AGBL1: variants seen among roughly 807,000 people sequenced by gnomAD.
AGBL1 encodes AGBL carboxypeptidase 1, also known as cytosolic carboxypeptidase 4.
Under a neutral mutation model 118.9 loss-of-function variants are expected in AGBL1, and 130 were observed. The observed-to-expected ratio is 1.09, with a 90% CI of 0.95 to 1.26. The LOEUF is 1.26. Ranked by LOEUF, AGBL1 falls within the 50% of genes most tolerant of loss-of-function variation. AGBL1 has a pLI of 0.00. For synonymous variants in AGBL1, 555 were observed against 478.9 expected, an observed-to-expected ratio of 1.16 and a Z score of -2.08; for missense variants, 1,584 against 1,298.1, an observed-to-expected ratio of 1.22 and a Z score of -3.38.
chr15:86,305,077 C>G (rs1380950680), intron 17 of AGBL1: 1 of 152,110 alleles, frequency 6.6e-6, no homozygotes, highest in African/African-American at 2.4e-5. Flanking sequence ...CTTTCAGGAT[C>G]CTTGCACCTA....
At chr15:86,852,486 A>C (rs1271972980) in intron 22 of AGBL1, among the ~76,000 whole-genome samples, 2 of 152,186 alleles carry the variant, frequency 1.3e-5, no homozygotes, top group Non-Finnish European at 1.5e-5. Context: ...ATCCCCTGCT[A>C]TCTGGAAACT....
intron 18 of AGBL1, among the ~76,000 whole-genome samples, chr15:86,412,745 A>G (rs1246946024): frequency 6.6e-6 from 1 of 152,176 alleles, no homozygotes; most frequent in Non-Finnish European, 1.5e-5. Flanking sequence ...CACAGTTACT[A>G]CAACACTTCT....
At position 86,236,086 on chromosome 15, in the gene AGBL1, C is replaced by CT. The variant is rs927108458; in HGVS notation, c.526+11143dup. On this transcript the variant is annotated intron_variant, in intron 6 of 22. Coordinates refer to ENST00000614907, the MANE Select transcript of AGBL1 (RefSeq NM_001386094.1). Reference sequence around the variant, plus strand: ...TCCTTTCACTACTGCAGGTTTTAAACTTTTTTTTGAAAGAAATGAATGTTT... The same window carrying CT: ...TCCTTTCACTACTGCAGGTTTTAAACTTTTTTTTTGAAAGAAATGAATGTTT... 2.0e-3 allele frequency among the ~76,000 whole-genome samples: 311 copies of CT among 152,208 alleles called. 2 individuals carry two copies. The highest frequency in any genetic ancestry group is 7.1e-3 in the African/African-American group (293 of 41,544).
chr15:86,266,187 TAGAGGC>T (rs2079067510), intron 11 of AGBL1, among the ~76,000 whole-genome samples, 181 bp from the exon 12 acceptor site: 1 of 152,196 alleles, frequency 6.6e-6, no homozygotes, highest in Admixed American at 6.5e-5. Context: ...TATTTTTTGA[TAGAGGC>T]AGAGAAAGAA....
At chr15:86,133,981 T>C (rs908844593) in intron 1 of AGBL1, among the ~76,000 whole-genome samples, 16 of 152,200 alleles carry the variant, frequency 1.1e-4, no homozygotes, top group African/African-American at 3.9e-4. Context: ...TTGAAACAAA[T>C]ATCATAGTTA....
Position 86,849,005 on chromosome 15 carries a change from T to C in AGBL1, c.3159-58082T>C, listed in dbSNP as rs557160105. On this transcript the variant is annotated intron_variant, in intron 22 of 22. Coordinates refer to ENST00000614907, the MANE Select transcript of AGBL1 (RefSeq NM_001386094.1). ...CAACCTGCCTAAAATAACAGAGCTA[T>C]TAAGTGGCCAAACTGGAGTTTGAGC... is the stretch of plus-strand genomic sequence containing the variant. Among the ~76,000 whole-genome samples, 16 of 152,266 alleles carry C rather than the reference T, an allele frequency of 1.1e-4. No homozygotes were observed. The South Asian group carries it at 3.1e-3, about 30-fold the overall frequency.
chr15:86,339,882 C>G (rs2080435033), intron 17 of AGBL1, among the ~76,000 whole-genome samples: 1 of 152,004 alleles, frequency 6.6e-6, no homozygotes, highest in Non-Finnish European at 1.5e-5. Context: ...AGGAGAATCA[C>G]TTGAACCTGG....
Position 86,446,465 on chromosome 15 carries a change from C to T in AGBL1, c.2555+48919C>T, listed in dbSNP as rs907335935. Among the ~76,000 whole-genome samples, 10 of 152,360 alleles carry T rather than the reference C, an allele frequency of 6.6e-5. No individual in the cohort carries two copies. In the East Asian group the frequency reaches 1.9e-3, roughly 29 times the overall value. ...ATGCTCTGAAGCCAGTGTTTGAGAG[C>T]AGGTTTTGTGCCAGCAGGGAACTTG... On this transcript the variant is annotated intron_variant, in intron 18 of 22. Coordinates refer to ENST00000614907, the MANE Select transcript of AGBL1 (RefSeq NM_001386094.1).
chr15:86,941,076 C>A (rs2080745803), intron 23 of AGBL1, among the ~76,000 whole-genome samples: 1 of 152,314 alleles, frequency 6.6e-6, no homozygotes, highest in Non-Finnish European at 1.5e-5. Context: ...ATAAACCATA[C>A]TCTTTGGTCC....
chr15:86,837,483 T>C (rs563190716), intron 22 of AGBL1, among the ~76,000 whole-genome samples: 1 of 152,314 alleles, frequency 6.6e-6, no homozygotes, highest in East Asian at 1.9e-4. Context: ...TGTTTACATA[T>C]TTTTATGGCT....
At chr15:86,688,912 C>T (rs2086111338) in intron 22 of AGBL1, among the ~76,000 whole-genome samples, 1 of 152,090 alleles carries the variant, frequency 6.6e-6, no homozygotes, top group African/African-American at 2.4e-5. Flanking sequence ...TGCTTTCTGT[C>T]CCTAAATATT....
At chr15:86,646,462 T>C (rs542755681) in intron 21 of AGBL1, among the ~76,000 whole-genome samples, 2 of 152,314 alleles carry the variant, frequency 1.3e-5, no homozygotes, top group Admixed American at 1.3e-4. Flanking sequence ...TTTCTTTGTT[T>C]CTATTATCCT....
At chr15:86,896,102 G>C (rs146318132) in intron 22 of AGBL1, among the ~76,000 whole-genome samples, 5 of 151,970 alleles carry the variant, frequency 3.3e-5, no homozygotes, top group Non-Finnish European at 5.9e-5. Context: ...TAGAGAAAAG[G>C]CTGTTTAATA....
chr15:86,947,315 C>T (rs2080836857), intron 23 of AGBL1, among the ~76,000 whole-genome samples: 1 of 152,144 alleles, frequency 6.6e-6, no homozygotes, highest in South Asian at 2.1e-4. Flanking sequence ...GTCCTGAAAC[C>T]TGGCAAGCTT....
chr15:86,777,499 C>G (rs746956535), intron 22 of AGBL1, among the ~76,000 whole-genome samples: 1 of 151,886 alleles, frequency 6.6e-6, no homozygotes, highest in South Asian at 2.1e-4. Flanking sequence ...TTAGAATCTG[C>G]ATGTCAAAGT....
chr15:86,283,065 A>G (rs1035570368), intron 16 of AGBL1, among the ~76,000 whole-genome samples: 10 of 152,232 alleles, frequency 6.6e-5, no homozygotes, highest in Admixed American at 2.6e-4. Context: ...GTTTTATAGC[A>G]TTCAAATATA....
At chr15:86,123,430 G>T (rs929736942) in intron 1 of AGBL1, among the ~76,000 whole-genome samples, 1 of 152,122 alleles carries the variant, frequency 6.6e-6, no homozygotes, top group East Asian at 1.9e-4. Context: ...AGTAGATATG[G>T]GGTTTTACCA....
chr15:86,575,483 G>A (rs2084077236), intron 21 of AGBL1, among the ~76,000 whole-genome samples: 1 of 151,956 alleles, frequency 6.6e-6, no homozygotes. Flanking sequence ...TTGGGTAACA[G>A]AGAAAGACCC....
chr15:86,602,349 A>G (rs1276277204), intron 21 of AGBL1, among the ~76,000 whole-genome samples: 2 of 152,328 alleles, frequency 1.3e-5, no homozygotes, highest in Non-Finnish European at 1.5e-5. Flanking sequence ...TTGAGAGATT[A>G]ACTACTCAAT....
Sources: allele counts gnomAD v4.1 joint callset (sites outside exome capture counted in the v4.1 genomes callset), GRCh38; gene constraint gnomAD v4.1.1; transcripts MANE v1.5; gene names NCBI Gene and HGNC (gene_info 2026-07-23, HGNC 2026-07-21).